EPHA3: variants seen among roughly 807,000 people sequenced by gnomAD.
The protein encoded by EPHA3 is EPH receptor A3, also known as ephrin type-A receptor 3.
In EPHA3, 42 loss-of-function variants were observed where a neutral mutation model predicts 107.1. That is an observed-to-expected ratio of 0.39 (90% CI 0.31 to 0.51). The LOEUF is 0.51. Among genes scored for constraint, EPHA3 ranks in the 20% least tolerant of loss-of-function variants. The probability of loss-of-function intolerance (pLI) is 0.78; values close to 1 mark genes in which losing one functional copy is unlikely to be tolerated. For synonymous variants in EPHA3, 461 were observed against 424.8 expected, an observed-to-expected ratio of 1.09 and a Z score of -1.05; for missense variants, 1,183 against 1,211.2, an observed-to-expected ratio of 0.98 and a Z score of 0.35.
In EPHA3 at chr3:89,454,831, A is replaced by G. The variant is rs1004366015; in HGVS notation, c.2690+4461A>G. Among the ~76,000 whole-genome samples the G allele has an allele frequency of 5.3e-5, 8 of 151,922 alleles. No individual in the cohort carries two copies. In the South Asian group the frequency reaches 8.3e-4, roughly 16 times the overall value. On this transcript the variant is annotated intron_variant, in intron 15 of 16. Transcript: ENST00000336596. ...TTATAGCAAGACCCCCATCCCTACAAATTTTTTTTTAAATGGGCCAGGCAT... is the reference window on the plus strand; with the variant it reads ...TTATAGCAAGACCCCCATCCCTACAGATTTTTTTTTAAATGGGCCAGGCAT...
At chr3:89,445,822 T>G (rs1306363793) in intron 13 of EPHA3, among the ~76,000 whole-genome samples, 1 of 152,216 alleles carries the variant, frequency 6.6e-6, no homozygotes, top group Non-Finnish European at 1.5e-5. Context: ...AGGTATCTAC[T>G]GCACAATGTG....
chr3:89,349,850 G>A (rs1203787711), intron 5 of EPHA3, among the ~76,000 whole-genome samples: 3 of 145,846 alleles, frequency 2.1e-5, no homozygotes, highest in African/African-American at 5.1e-5. Flanking sequence ...TGTCTGTAAA[G>A]TATTTTATTT....
intron 3 of EPHA3, among the ~76,000 whole-genome samples, chr3:89,230,419 G>A: frequency 6.6e-6 from 1 of 152,050 alleles, no homozygotes; most frequent in East Asian, 1.9e-4. Flanking sequence ...CATGGTTCAG[G>A]CCAAAGATTT....
rs1413376820 is a variant in EPHA3 at position 89,210,337 on chromosome 3, A to G, written c.631A>G (p.Met211Val). 5.0e-6 allele frequency: 8 copies of G among 1,613,594 alleles called. No homozygotes were observed. The Admixed American group carries it at 1.0e-4, about 20-fold the overall frequency. ...CCCATTTACAGTGAAGAATCTGGCT[A>G]TGTTTCCAGACACGGTACCCATGGA... ...KCPFTVKNLA[M>V]FPDTVPMDSQ... Residue 211 changes from methionine (M) to valine (V), a missense_variant, in exon 3 of 17, where the codon ATG becomes GTG. Met to Val is a conservative substitution (Grantham distance 21). Coordinates refer to ENST00000336596, the MANE Select transcript of EPHA3 (RefSeq NM_005233.6).
At chr3:89,387,462 C>A (rs1708644116) in intron 5 of EPHA3, among the ~76,000 whole-genome samples, 2 of 152,154 alleles carry the variant, frequency 1.3e-5, no homozygotes, top group South Asian at 4.1e-4. Context: ...GAGGCCTCCT[C>A]ACCCCTGAGT....
intron 7 of EPHA3, 138 bp downstream of exon 7, chr3:89,399,618 C>T: frequency 5.7e-6 from 8 of 1,398,146 alleles, no homozygotes; most frequent in Non-Finnish European, 7.5e-6. Context: ...TTGCAATTTG[C>T]AGAGCCCTGT....
intron 3 of EPHA3, among the ~76,000 whole-genome samples, chr3:89,324,295 G>C (rs558648357): frequency 6.6e-6 from 1 of 150,958 alleles, no homozygotes; most frequent in African/African-American, 2.4e-5. Flanking sequence ...AGCCTCCCAA[G>C]TAGCTGGGAT....
chr3:89,436,927 CTTG>C (rs1208110538), intron 13 of EPHA3, among the ~76,000 whole-genome samples: 2 of 152,044 alleles, frequency 1.3e-5, no homozygotes, highest in African/African-American at 2.4e-5. Flanking sequence ...CCAATACTCA[CTTG>C]TTGTTATTTC....
intron 16 of EPHA3, among the ~76,000 whole-genome samples, chr3:89,475,229 A>C (rs532114773): frequency 7.9e-5 from 12 of 152,288 alleles, no homozygotes; most frequent in Non-Finnish European, 1.3e-4. Flanking sequence ...TAAAATATTG[A>C]GCTAGATATT....
chr3:89,452,838 C>T (rs1327729618), intron 15 of EPHA3, among the ~76,000 whole-genome samples: 2 of 152,010 alleles, frequency 1.3e-5, no homozygotes, highest in East Asian at 1.9e-4. Flanking sequence ...TTCAGTTTAT[C>T]CATTTTGTGT....
chr3:89,307,566 C>G (rs1706654156), intron 3 of EPHA3, among the ~76,000 whole-genome samples: 1 of 152,064 alleles, frequency 6.6e-6, no homozygotes, highest in African/African-American at 2.4e-5. Context: ...AGGATCATCT[C>G]TCTCTCATTT....
At chr3:89,467,275 G>A (rs1710302406) in intron 15 of EPHA3, among the ~76,000 whole-genome samples, 1 of 152,098 alleles carries the variant, frequency 6.6e-6, no homozygotes, top group African/African-American at 2.4e-5. Context: ...AATAAATTCA[G>A]ATACAATTAT....
In EPHA3 at chr3:89,326,634, C is replaced by T. The variant is rs375913889; in HGVS notation, c.815-14282C>T. Among the ~76,000 whole-genome samples, 5 of 151,936 alleles carry T rather than the reference C, an allele frequency of 3.3e-5. No homozygotes were observed. In the East Asian group the frequency reaches 5.8e-4, roughly 18 times the overall value. On this transcript the variant is annotated intron_variant, in intron 3 of 16. Transcript: ENST00000336596. ...GGAACTCCAGAGCTCAAGAGATCCA[C>T]CTGTCTCAGCCTCCTAAAGTGCTAA... is the stretch of plus-strand genomic sequence containing the variant.
At chr3:89,339,067 C>T (rs1227964367) in intron 3 of EPHA3, among the ~76,000 whole-genome samples, 1 of 152,116 alleles carries the variant, frequency 6.6e-6, no homozygotes, top group Non-Finnish European at 1.5e-5. Context: ...GGCACATATA[C>T]ATACAGCTTC....
At chr3:89,230,064 G>A (rs1223569629) in intron 3 of EPHA3, among the ~76,000 whole-genome samples, 1 of 152,022 alleles carries the variant, frequency 6.6e-6, no homozygotes, top group Non-Finnish European at 1.5e-5. Flanking sequence ...GAGTGTATAT[G>A]AGTAATAAAA....
intron 2 of EPHA3, among the ~76,000 whole-genome samples, chr3:89,175,673 CATT>C (rs1259140834): frequency 2.0e-5 from 3 of 152,084 alleles, no homozygotes; most frequent in African/African-American, 7.2e-5. Context: ...TAGTAACTAA[CATT>C]ATTCCACTTT....
chr3:89,253,079 G>C (rs1050584992), intron 3 of EPHA3, among the ~76,000 whole-genome samples: 9 of 152,076 alleles, frequency 5.9e-5, no homozygotes, highest in Non-Finnish European at 7.4e-5. Context: ...GTGGGGAGGT[G>C]AAACGCTGGT....
chr3:89,322,778 G>T (rs1707074143), intron 3 of EPHA3, among the ~76,000 whole-genome samples: 1 of 152,082 alleles, frequency 6.6e-6, no homozygotes, highest in Non-Finnish European at 1.5e-5. Flanking sequence ...CAAGTACAAA[G>T]ATTTCAGAGC....
At chr3:89,402,832 A>G (rs952744044) in intron 7 of EPHA3, among the ~76,000 whole-genome samples, 3 of 152,126 alleles carry the variant, frequency 2.0e-5, no homozygotes, top group African/African-American at 7.2e-5. Context: ...CATGTGCCAC[A>G]ATGCCCAGCT....
Sources: allele counts gnomAD v4.1 joint callset (sites outside exome capture counted in the v4.1 genomes callset), GRCh38; gene constraint gnomAD v4.1.1; transcripts MANE v1.5; gene names NCBI Gene and HGNC (gene_info 2026-07-23, HGNC 2026-07-21).